The following KANTR variants were observed in gnomAD, a reference collection of about 807,000 sequenced individuals.
KANTR encodes KDM5C adjacent transcript.
At chrX:53,098,131 C>T (rs1352012898) in intron 1 of KANTR, among the ~76,000 whole-genome samples, 4 of 106,715 alleles carry the variant, frequency 3.7e-5, no homozygotes, top group African/African-American at 1.4e-4. Context: ...AACATTGATA[C>T]ATACAGGCAT....
intron 2 of KANTR, among the ~76,000 whole-genome samples, chrX:53,141,079 C>G (rs1369541710): frequency 8.9e-6 from 1 of 112,420 alleles, no homozygotes; most frequent in Non-Finnish European, 1.9e-5. Context: ...GAGAATCACT[C>G]GAACCCAGGA....
downstream of KANTR, chrX:53,143,127 A>G (rs1181633352): frequency 2.7e-6 from 3 of 1,101,551 alleles, no homozygotes; most frequent in Admixed American, 4.4e-5. Context: ...CCAAGAAGGA[A>G]GGCTGGAACA....
At chrX:53,108,449 G>A (rs1251086594) in intron 2 of KANTR, among the ~76,000 whole-genome samples, 2 of 109,744 alleles carry the variant, frequency 1.8e-5, no homozygotes, top group Non-Finnish European at 3.8e-5. Flanking sequence ...TAATCCACCC[G>A]ACCTCAGCCT....
At chrX:53,096,712 G>C (rs1203728360) in intron 1 of KANTR, among the ~76,000 whole-genome samples, 1 of 109,971 alleles carries the variant, frequency 9.1e-6, no homozygotes, top group Non-Finnish European at 1.9e-5. Context: ...TGTGGTCCCA[G>C]CTACTTAGGA....
At chrX:53,112,896 C>T (rs1260944310) in intron 2 of KANTR, 1 of 111,245 alleles carries the variant, frequency 9.0e-6, no homozygotes, top group Non-Finnish European at 1.9e-5. Flanking sequence ...CCTGTAAATC[C>T]CATAAGCTGT....
At chrX:53,145,211 C>G (rs191031994), downstream of KANTR, among the ~76,000 whole-genome samples, 400 of 111,673 alleles carry the variant, frequency 3.6e-3, 6 homozygotes, top group African/African-American at 0.013. Context: ...GAGGCATTGC[C>G]TCACTCGGGA....
At chrX:53,137,769 CAAAAA>C (rs61347731) in intron 2 of KANTR, among the ~76,000 whole-genome samples, 1 of 88,355 alleles carries the variant, frequency 1.1e-5, no homozygotes, top group African/African-American at 4.1e-5. Flanking sequence ...AACTCCATCT[CAAAAA>C]AAAAAAAAAA....
At chrX:53,112,061 G>A (rs1400738872) in intron 2 of KANTR, among the ~76,000 whole-genome samples, 2 of 110,336 alleles carry the variant, frequency 1.8e-5, no homozygotes, top group Non-Finnish European at 3.8e-5. Flanking sequence ...TGAGATTTTG[G>A]TGTACCCATC....
chrX:53,130,549 T>G (rs1933348430), downstream of KANTR, among the ~76,000 whole-genome samples: 1 of 112,478 alleles, frequency 8.9e-6, no homozygotes, highest in African/African-American at 3.2e-5. Context: ...CCCTTAAAAA[T>G]AAATAAAACA....
chrX:53,144,215 C>T (rs926425719), downstream of KANTR, among the ~76,000 whole-genome samples: 3 of 110,967 alleles, frequency 2.7e-5, no homozygotes, highest in East Asian at 2.8e-4. Context: ...GGAAACATGG[C>T]GAAACCCCAT....
chrX:53,142,054 C>T (rs1158598387), exon 3 of KANTR: 2 of 135,484 alleles, frequency 1.5e-5, no homozygotes, highest in Non-Finnish European at 2.8e-5. Context: ...ACATTAATAC[C>T]CTGCACATAT....
chrX:53,125,220 A>G (rs1189697273), exon 3 of KANTR: 1 of 111,732 alleles, frequency 8.9e-6, no homozygotes, highest in African/African-American at 3.2e-5. Context: ...TAGTAACACA[A>G]ACTTTTCTTG....
chrX:53,125,327 G>A (rs1933280451), exon 3 of KANTR: 1 of 110,768 alleles, frequency 9.0e-6, no homozygotes, highest in Admixed American at 9.6e-5. Flanking sequence ...ACATATAACT[G>A]GACCTTTTAA....
chrX:53,136,725 T>C (rs1277346304), intron 2 of KANTR, among the ~76,000 whole-genome samples: 1 of 49,571 alleles, frequency 2.0e-5, no homozygotes, highest in Non-Finnish European at 4.2e-5. Context: ...TATATATATA[T>C]ATATATTTTG....
intron 2 of KANTR, among the ~76,000 whole-genome samples, chrX:53,112,398 A>C (rs1933054891): frequency 8.9e-6 from 1 of 112,052 alleles, no homozygotes; most frequent in African/African-American, 3.2e-5. Flanking sequence ...GGCTGGTGCC[A>C]TGTTTTTGCA....
intron 2 of KANTR, among the ~76,000 whole-genome samples, chrX:53,136,729 TATTTTG>T (rs1405468914): frequency 1.9e-5 from 1 of 52,404 alleles, no homozygotes; most frequent in Non-Finnish European, 3.9e-5. Context: ...TATATATATA[TATTTTG>T]TTTGTTTGTT....
chrX:53,145,073 T>G (rs1252554096), downstream of KANTR, among the ~76,000 whole-genome samples: 2 of 111,545 alleles, frequency 1.8e-5, no homozygotes, highest in Admixed American at 1.9e-4. Context: ...GCTCCCAGCA[T>G]GAGCGATGCA....
At chrX:53,109,802 G>A (rs1157705145) in intron 2 of KANTR, among the ~76,000 whole-genome samples, 23 of 103,777 alleles carry the variant, frequency 2.2e-4, no homozygotes, top group African/African-American at 3.5e-4. Flanking sequence ...TTGCCCAAGC[G>A]GGAGTGCAGT....
exon 3 of KANTR, chrX:53,123,660 C>T (rs1933254956): frequency 9.0e-6 from 1 of 111,420 alleles, no homozygotes; most frequent in Admixed American, 9.6e-5. Flanking sequence ...CCAGTCACAT[C>T]TTGGGCTGTG....
Sources: allele counts gnomAD v4.1 joint callset (sites outside exome capture counted in the v4.1 genomes callset), GRCh38; gene constraint gnomAD v4.1.1; transcripts MANE v1.5; gene names NCBI Gene and HGNC (gene_info 2026-07-23, HGNC 2026-07-21).